The following CAMTA1 variants were observed in gnomAD, a reference collection of about 807,000 sequenced individuals.
CAMTA1 encodes the protein calmodulin-binding transcription activator 1.
Under a neutral mutation model 170.9 loss-of-function variants are expected in CAMTA1, and 27 were observed. The ratio of observed to expected loss-of-function variants is 0.16; its 90% CI spans 0.12 to 0.22. CAMTA1 has a LOEUF of 0.22. Ranked by LOEUF, CAMTA1 falls within the 10% of genes least tolerant of loss-of-function variation. The pLI, the probability that CAMTA1 is intolerant of heterozygous loss-of-function variation, is 1.00. For missense variants in CAMTA1, 1,619 were observed against 2,217.2 expected (o/e 0.73, Z 5.42); for synonymous variants, 833 against 891.5 (o/e 0.93, Z 1.17).
At chr1:7,529,938 T>G (rs1467673085) in intron 6 of CAMTA1, among the ~76,000 whole-genome samples, 1 of 152,248 alleles carries the variant, frequency 6.6e-6, no homozygotes, top group Non-Finnish European at 1.5e-5. Context: ...AGAAGCTTCC[T>G]GCACAGGTGG....
intron 5 of CAMTA1, among the ~76,000 whole-genome samples, chr1:7,336,847 G>A (rs752446796): frequency 1.2e-4 from 18 of 152,202 alleles, no homozygotes; most frequent in Non-Finnish European, 2.4e-4. Flanking sequence ...GAAGGCCATG[G>A]CCCTTCTATC....
In CAMTA1 at chr1:7,216,580, G is replaced by A. The variant is rs1659784610; in HGVS notation, c.303-32911G>A. Among the ~76,000 whole-genome samples the A allele has an allele frequency of 1.3e-5, 2 of 151,854 alleles. No individual in the cohort carries two copies. Among genetic ancestry groups the A allele is most frequent in the African/African-American group, 2.4e-5 (1 of 41,296 alleles). ...GGCTGCAGTGCAGTGTTGAGTTCTC[G>A]GCTCACTGCAATCCCCGCTTCCTGG... On this transcript the variant is annotated intron_variant, in intron 4 of 22. Transcript: ENST00000303635. This position sits in a 1 kb window ranked among gnomAD's most constrained non-coding sequence, Gnocchi z 4.0.
At chr1:7,586,921 G>T (rs978224475) in intron 6 of CAMTA1, among the ~76,000 whole-genome samples, 8 of 152,012 alleles carry the variant, frequency 5.3e-5, no homozygotes, top group Admixed American at 1.3e-4. Context: ...TTGTGGCTAG[G>T]GGAGGGGTTG....
chr1:7,647,945 G>A (rs767364024), intron 7 of CAMTA1, among the ~76,000 whole-genome samples: 8 of 152,212 alleles, frequency 5.3e-5, no homozygotes, highest in Non-Finnish European at 8.8e-5. Flanking sequence ...TTAGCCAGAT[G>A]TGGTGGTGCA....
chr1:7,168,992 A>T (rs1649069336), intron 4 of CAMTA1, among the ~76,000 whole-genome samples: 2 of 152,250 alleles, frequency 1.3e-5, no homozygotes, highest in Admixed American at 1.3e-4. Flanking sequence ...TAAGAATTTT[A>T]AAATCACAAC....
At position 7,500,829 on chromosome 1, in the gene CAMTA1, G is replaced by A. The variant is rs530857057; in HGVS notation, c.510+32928G>A. 5.3e-5 allele frequency among the ~76,000 whole-genome samples: 8 copies of A among 152,234 alleles called. No homozygotes were observed. The East Asian group carries it at 1.5e-3, about 29-fold the overall frequency. ...TGCTGCCTTAAAGCAGCAAGTCTCG[G>A]TGACATCAGGCAGTTCCAGGGCAGA... On this transcript the variant is annotated intron_variant, in intron 6 of 22. Transcript: ENST00000303635.
Position 7,299,158 on chromosome 1 carries a change from G to A in CAMTA1, c.438+49532G>A. 6.6e-6 allele frequency among the ~76,000 whole-genome samples: 1 copy of A among 152,138 alleles called. No homozygotes were observed. The highest frequency in any genetic ancestry group is 1.9e-4 in the East Asian group (1 of 5,192). ...TGTTTTAAAATATGTGCTGGAGGTG[G>A]GGAGACCTGATTCCCTGCCTAGTGC... On this transcript the variant is annotated intron_variant, in intron 5 of 22. Coordinates refer to ENST00000303635, the MANE Select transcript of CAMTA1 (RefSeq NM_015215.4). The surrounding 1 kb of genome is among the most constrained non-coding windows in gnomAD (Gnocchi z 4.7).
At position 6,986,674 on chromosome 1, in the gene CAMTA1, G is replaced by A. The variant is rs971938607; in HGVS notation, c.235-104630G>A. Among the ~76,000 whole-genome samples, 6 of 152,156 alleles carry A rather than the reference G, an allele frequency of 3.9e-5. No homozygotes were observed. The East Asian group carries it at 7.7e-4, about 20-fold the overall frequency. On this transcript the variant is annotated intron_variant, in intron 3 of 22. Transcript: ENST00000303635. ...CATCTTCTGGTCACCCCATTAACCCGGGGAGGCTTCCTGGAAAATTCTGTG... is the reference window on the plus strand; with the variant it reads ...CATCTTCTGGTCACCCCATTAACCCAGGGAGGCTTCCTGGAAAATTCTGTG...
chr1:7,048,843 GT>G (rs879641096), intron 3 of CAMTA1, among the ~76,000 whole-genome samples: 3 of 152,170 alleles, frequency 2.0e-5, no homozygotes, highest in Non-Finnish European at 4.4e-5. Flanking sequence ...GCAGAGCTTT[GT>G]GACGAGGCCT....
At chr1:7,621,345 G>A (rs529457432) in intron 6 of CAMTA1, among the ~76,000 whole-genome samples, 103 of 152,352 alleles carry the variant, frequency 6.8e-4, no homozygotes, top group Middle Eastern at 6.8e-3. Flanking sequence ...CGTTGTCACC[G>A]TCACCTGGCT....
intron 6 of CAMTA1, among the ~76,000 whole-genome samples, chr1:7,623,021 A>G (rs905149093): frequency 4.6e-5 from 7 of 152,124 alleles, no homozygotes; most frequent in Non-Finnish European, 8.8e-5. Context: ...TCTTTTTATC[A>G]TCTCAGATAC....
rs139945970 is a variant in CAMTA1, at chr1:7,051,726, C to T, written c.235-39578C>T. 2.5e-3 allele frequency among the ~76,000 whole-genome samples: 386 copies of T among 152,246 alleles called. 1 individual carries two copies. The highest frequency in any genetic ancestry group is 7.8e-3 in the African/African-American group (324 of 41,528). On this transcript the variant is annotated intron_variant, in intron 3 of 22. Transcript: ENST00000303635. Reference sequence around the variant, plus strand: ...TCATCCCTGTTTGCCAGGACAGACTCAGGACCAGCCTGTGACAGAGGCTGC... The same window carrying T: ...TCATCCCTGTTTGCCAGGACAGACTTAGGACCAGCCTGTGACAGAGGCTGC...
chr1:7,428,768 C>T (rs2092002229), intron 5 of CAMTA1, among the ~76,000 whole-genome samples: 1 of 151,736 alleles, frequency 6.6e-6, no homozygotes, highest in South Asian at 2.1e-4. Flanking sequence ...CAGAGTGATT[C>T]CCTGAGTGCC....
chr1:7,054,733 G>A (rs1572724251), intron 3 of CAMTA1, among the ~76,000 whole-genome samples: 2 of 152,266 alleles, frequency 1.3e-5, no homozygotes, highest in Admixed American at 1.3e-4. Flanking sequence ...ACCCGGGAGA[G>A]CAGCCTCTGG....
intron 6 of CAMTA1, among the ~76,000 whole-genome samples, chr1:7,477,178 G>A (rs2093434029): frequency 6.6e-6 from 1 of 152,172 alleles, no homozygotes; most frequent in South Asian, 2.1e-4. Context: ...TGCGGGCCAG[G>A]GATAGAAACC....
intron 3 of CAMTA1, among the ~76,000 whole-genome samples, chr1:6,938,352 T>A (rs866442977): frequency 6.7e-6 from 1 of 149,892 alleles, no homozygotes; most frequent in Non-Finnish European, 1.5e-5. Flanking sequence ...AGGGCTGGGG[T>A]GGGGAGGATG....
Position 7,547,967 on chromosome 1 carries a change from G to A in CAMTA1, c.510+80066G>A, listed in dbSNP as rs548428208. On this transcript the variant is annotated intron_variant, in intron 6 of 22. Transcript: ENST00000303635. The surrounding 1 kb of genome is among the most constrained non-coding windows in gnomAD (Gnocchi z 5.7). ...CTCCAGGCTCAGGGGAAACAGTGACGTGATTGATTAGTAATGTCTGCCATG... is the reference window on the plus strand; with the variant it reads ...CTCCAGGCTCAGGGGAAACAGTGACATGATTGATTAGTAATGTCTGCCATG... Among the ~76,000 whole-genome samples the A allele has an allele frequency of 1.3e-5, 2 of 152,160 alleles. No homozygotes were observed. The highest frequency in any genetic ancestry group is 4.8e-5 in the African/African-American group (2 of 41,432).
At chr1:6,901,355 G>A (rs1408858398) in intron 3 of CAMTA1, among the ~76,000 whole-genome samples, 1 of 152,164 alleles carries the variant, frequency 6.6e-6, no homozygotes, top group Non-Finnish European at 1.5e-5. Context: ...GGCACCAATT[G>A]TGCAATCCAT....
intron 5 of CAMTA1, among the ~76,000 whole-genome samples, chr1:7,336,089 G>T (rs1475884964): frequency 6.6e-6 from 1 of 152,172 alleles, no homozygotes; most frequent in Non-Finnish European, 1.5e-5. Context: ...TGGCCACCTG[G>T]AGTGGCCGCT....
Sources: allele counts gnomAD v4.1 joint callset (sites outside exome capture counted in the v4.1 genomes callset), GRCh38; gene constraint gnomAD v4.1.1; non-coding constraint Gnocchi (gnomAD v3.1); transcripts MANE v1.5; gene names NCBI Gene and HGNC (gene_info 2026-07-23, HGNC 2026-07-21).